Variants in CAMTA1 observed in about 807,000 individuals in gnomAD.
The protein encoded by CAMTA1 is calmodulin binding transcription activator 1.
In CAMTA1, 27 loss-of-function variants were observed where a neutral mutation model predicts 170.9. The ratio of observed to expected loss-of-function variants is 0.16; its 90% CI spans 0.12 to 0.22. The LOEUF (loss-of-function observed/expected upper bound fraction) is 0.22. CAMTA1 is among the 10% of genes least tolerant of loss of function. The probability of loss-of-function intolerance (pLI) is 1.00; values close to 1 mark genes in which losing one functional copy is unlikely to be tolerated. For synonymous variants in CAMTA1, 833 were observed against 891.5 expected, an observed-to-expected ratio of 0.93 and a Z score of 1.17; for missense variants, 1,619 against 2,217.2, an observed-to-expected ratio of 0.73 and a Z score of 5.42.
At chr1:7,517,139 C>T (rs919638948) in intron 6 of CAMTA1, among the ~76,000 whole-genome samples, 4 of 152,172 alleles carry the variant, frequency 2.6e-5, no homozygotes, top group African/African-American at 7.2e-5. Context: ...AATCCTTTCT[C>T]GTGGCCACGT....
At chr1:7,085,155 G>T (rs1042053789) in intron 3 of CAMTA1, among the ~76,000 whole-genome samples, 1 of 152,112 alleles carries the variant, frequency 6.6e-6, no homozygotes, top group Non-Finnish European at 1.5e-5. Context: ...AATGACACAC[G>T]TGCCTTGTGT....
chr1:7,613,645 C>T (rs2095538441), intron 6 of CAMTA1, among the ~76,000 whole-genome samples: 1 of 151,976 alleles, frequency 6.6e-6, no homozygotes, highest in South Asian at 2.1e-4. Flanking sequence ...GGAATGGGAG[C>T]CGGGGCACAG....
In CAMTA1 at chr1:7,094,561, T is replaced by C. The variant is rs566615029; in HGVS notation, c.302+3190T>C. 3.7e-3 allele frequency among the ~76,000 whole-genome samples: 565 copies of C among 152,300 alleles called. 3 individuals carry two copies. The highest frequency in any genetic ancestry group is 0.012 in the Admixed American group (183 of 15,298). ...CACATATAGATGTTGGTATAGAAGC[T>C]GCAGAGGGGCCCCCTGCTTGTCTCT... On this transcript the variant is annotated intron_variant, in intron 4 of 22. Transcript: ENST00000303635.
intron 6 of CAMTA1, among the ~76,000 whole-genome samples, chr1:7,491,165 A>G (rs1157287994): frequency 1.3e-5 from 2 of 152,068 alleles, no homozygotes; most frequent in Admixed American, 1.3e-4. Context: ...GCTGTACAGC[A>G]CCCTGAGAGA....
At chr1:7,324,552 C>T (rs776977523) in intron 5 of CAMTA1, among the ~76,000 whole-genome samples, 19 of 151,924 alleles carry the variant, frequency 1.3e-4, no homozygotes, top group Admixed American at 6.6e-4. Context: ...TTCCTTCTTT[C>T]GCCATGTTTT....
At position 7,732,728 on chromosome 1, in the gene CAMTA1, G is replaced by A. The variant is rs538194384; in HGVS notation, c.3066+129G>A. ...CTGTATTCAGGCAGAAGGCCTGAGG[G>A]AGTACTTTACGGTACCTGTGCTTTT... On this transcript the variant is annotated intron_variant, in intron 12 of 22. Coordinates refer to ENST00000303635, the MANE Select transcript of CAMTA1 (RefSeq NM_015215.4). The surrounding 1 kb of genome is among the most constrained non-coding windows in gnomAD (Gnocchi z 4.1). 1.1e-5 allele frequency: 14 copies of A among 1,305,952 alleles called. No individual in the cohort carries two copies. In the African/African-American group the frequency reaches 1.8e-4, roughly 17 times the overall value. 80.9% of individuals were successfully genotyped at this position (1,305,952 alleles called of 1,614,324 possible).
chr1:7,310,082 C>T (rs1418156747), intron 5 of CAMTA1, among the ~76,000 whole-genome samples: 1 of 152,158 alleles, frequency 6.6e-6, no homozygotes, highest in Non-Finnish European at 1.5e-5. Flanking sequence ...TTAGAAATTT[C>T]TTAGAGCAAT....
chr1:6,807,909 C>G (rs906451791), intron 1 of CAMTA1, among the ~76,000 whole-genome samples: 1 of 151,702 alleles, frequency 6.6e-6, no homozygotes, highest in African/African-American at 2.4e-5. Context: ...TGTAGGGAAG[C>G]AGATATGGAT....
intron 4 of CAMTA1, among the ~76,000 whole-genome samples, chr1:7,182,758 A>T (rs960832979): frequency 2.6e-5 from 4 of 152,230 alleles, no homozygotes; most frequent in African/African-American, 9.6e-5. Flanking sequence ...GGGGTACTTG[A>T]TAGAAAAAAT....
intron 6 of CAMTA1, among the ~76,000 whole-genome samples, chr1:7,628,527 A>G (rs565755473): frequency 6.6e-6 from 1 of 152,286 alleles, no homozygotes; most frequent in South Asian, 2.1e-4. Context: ...ATCATGTAGC[A>G]CCTCTCAGTC....
chr1:7,545,689 T>G (rs1160809830), intron 6 of CAMTA1, among the ~76,000 whole-genome samples: 1 of 152,122 alleles, frequency 6.6e-6, no homozygotes, highest in East Asian at 1.9e-4. Flanking sequence ...CTTCAACTTT[T>G]AAGTTCCAGG....
At chr1:7,263,435 C>T (rs1668463258) in intron 5 of CAMTA1, among the ~76,000 whole-genome samples, 1 of 152,178 alleles carries the variant, frequency 6.6e-6, no homozygotes, top group Admixed American at 6.5e-5. Flanking sequence ...TTTTTACACT[C>T]AATTAGTTTG....
intron 4 of CAMTA1, among the ~76,000 whole-genome samples, chr1:7,209,618 G>A (rs1262874571): frequency 6.6e-6 from 1 of 152,120 alleles, no homozygotes; most frequent in African/African-American, 2.4e-5. Context: ...TCGTTCTTCA[G>A]CTCAAGAGCA....
Position 7,607,739 on chromosome 1 carries a change from A to C in CAMTA1, c.511-32661A>C, listed in dbSNP as rs902891023. Among the ~76,000 whole-genome samples the C allele has an allele frequency of 5.9e-5, 9 of 152,204 alleles. 1 individual carries two copies. In the South Asian group the frequency reaches 1.9e-3, roughly 31 times the overall value. On this transcript the variant is annotated intron_variant, in intron 6 of 22. Coordinates refer to ENST00000303635, the MANE Select transcript of CAMTA1 (RefSeq NM_015215.4). ...AATGTGTGAATGGAAAAGTGGCATG[A>C]ATCTTTCCTCAAATCTTTGAAAGAC...
chr1:7,084,531 C>T (rs9434459), intron 3 of CAMTA1, among the ~76,000 whole-genome samples: 32,633 of 152,208 alleles, frequency 0.21, 3,609 homozygotes, highest in East Asian at 0.29. Context: ...CCTGCACAGA[C>T]GGGAGCCTCC....
chr1:7,506,378 T>G (rs1313592519), intron 6 of CAMTA1, among the ~76,000 whole-genome samples: 1 of 152,138 alleles, frequency 6.6e-6, no homozygotes, highest in African/African-American at 2.4e-5. Flanking sequence ...TTGGGCTTCC[T>G]CAACCCACCA....
chr1:7,636,883 G>A (rs1445791587), intron 6 of CAMTA1, among the ~76,000 whole-genome samples: 1 of 152,184 alleles, frequency 6.6e-6, no homozygotes, highest in African/African-American at 2.4e-5. Context: ...TAGCTGCAGG[G>A]CATTGTCCCT....
chr1:7,359,444 C>T (rs559760974), intron 5 of CAMTA1, among the ~76,000 whole-genome samples: 17 of 152,324 alleles, frequency 1.1e-4, no homozygotes, highest in African/African-American at 3.8e-4. Context: ...GTGCCCTTTA[C>T]ATTGGGCCCT....
chr1:6,990,453 A>AAATC (rs1308618943), intron 3 of CAMTA1, among the ~76,000 whole-genome samples: 2 of 152,262 alleles, frequency 1.3e-5, no homozygotes, highest in Non-Finnish European at 2.9e-5. Flanking sequence ...ATTTCACAGT[A>AAATC]AATCACAGCT....
Sources: gnomAD v4.1 joint callset for allele counts (sites outside exome capture counted in the v4.1 genomes callset) on GRCh38, gnomAD v4.1.1 for gene constraint, Gnocchi (gnomAD v3.1) non-coding constraint, MANE v1.5 for transcripts, NCBI Gene and HGNC (gene_info 2026-07-23, HGNC 2026-07-21) for gene names.